Variants in RELN observed in about 807,000 individuals in gnomAD.
RELN encodes the protein reelin.
In RELN, 108 loss-of-function variants were observed where a neutral mutation model predicts 427.6. That is an observed-to-expected ratio of 0.25 (90% CI 0.22 to 0.30). The LOEUF (loss-of-function observed/expected upper bound fraction) is 0.30. Among genes scored for constraint, RELN ranks in the 10% least tolerant of loss-of-function variants. RELN has a pLI of 1.00. For missense variants in RELN, 3,715 were observed against 4,302.8 expected, an observed-to-expected ratio of 0.86 and a Z score of 3.82; for synonymous variants, 1,524 against 1,513.4, an observed-to-expected ratio of 1.01 and a Z score of -0.16.
chr7:103,879,703 A>G (rs1023548642), intron 2 of RELN, among the ~76,000 whole-genome samples: 1 of 152,134 alleles, frequency 6.6e-6, no homozygotes, highest in Non-Finnish European at 1.5e-5. Flanking sequence ...GCAGTTTCTC[A>G]CAGGTGCTGG....
intron 2 of RELN, among the ~76,000 whole-genome samples, chr7:103,864,887 G>A (rs111548916): frequency 4.4e-4 from 67 of 151,874 alleles, no homozygotes; most frequent in African/African-American, 1.6e-3. Flanking sequence ...AAATGAAACG[G>A]TAAGAGACTA....
chr7:103,741,177 C>G (rs1468596804), intron 6 of RELN, among the ~76,000 whole-genome samples: 1 of 152,106 alleles, frequency 6.6e-6, no homozygotes, highest in East Asian at 1.9e-4. Context: ...AACTGCTTAT[C>G]AGTTTCCAAA....
chr7:103,691,683 C>T (rs995040564), intron 10 of RELN, among the ~76,000 whole-genome samples: 6 of 152,068 alleles, frequency 3.9e-5, no homozygotes, highest in Admixed American at 3.9e-4. Context: ...TGTGGTGGCG[C>T]ACACCTGTAG....
At chr7:103,891,868 C>A (rs1348803847) in intron 2 of RELN, among the ~76,000 whole-genome samples, 1 of 152,138 alleles carries the variant, frequency 6.6e-6, no homozygotes, top group Non-Finnish European at 1.5e-5. Context: ...ATATCCAATG[C>A]ACTCTGGACA....
At chr7:103,863,036 G>T (rs1401610727) in intron 2 of RELN, among the ~76,000 whole-genome samples, 2 of 152,024 alleles carry the variant, frequency 1.3e-5, no homozygotes, top group African/African-American at 4.8e-5. Context: ...AACACCAAGA[G>T]GGCAAAAGGA....
chr7:103,596,963 T>G (rs1036865674), intron 24 of RELN, among the ~76,000 whole-genome samples: 4 of 152,154 alleles, frequency 2.6e-5, no homozygotes, highest in Non-Finnish European at 5.9e-5. Context: ...ACGAAAACAC[T>G]CTGAATCCTT....
chr7:103,634,332 C>T (rs1032016267), intron 19 of RELN, among the ~76,000 whole-genome samples: 4 of 152,156 alleles, frequency 2.6e-5, no homozygotes, highest in African/African-American at 9.7e-5. Flanking sequence ...ATCAACTACT[C>T]TGATGGAATT....
intron 18 of RELN, among the ~76,000 whole-genome samples, 160 bp from the exon 19 acceptor site, chr7:103,635,746 A>G (rs1832565830): frequency 6.6e-6 from 1 of 152,160 alleles, no homozygotes; most frequent in African/African-American, 2.4e-5. Context: ...GTAGATATTT[A>G]TGTACATGTT....
At chr7:103,554,199 C>T (rs1830475129) in intron 38 of RELN, among the ~76,000 whole-genome samples, 5 of 144,196 alleles carry the variant, frequency 3.5e-5, no homozygotes, top group Admixed American at 3.5e-4. Flanking sequence ...AAAAGAACCA[C>T]ACAAACCACC....
At chr7:103,961,470 A>G (rs1796552291) in intron 1 of RELN, among the ~76,000 whole-genome samples, 1 of 152,264 alleles carries the variant, frequency 6.6e-6, no homozygotes, top group African/African-American at 2.4e-5. Flanking sequence ...ATACTAAAAA[A>G]GAAGTGAAAT....
intron 15 of RELN, 88 bp from the exon 16 acceptor site, chr7:103,650,471 G>A (rs1832891983): frequency 2.3e-6 from 2 of 867,944 alleles, no homozygotes; most frequent in African/African-American, 1.6e-5. Flanking sequence ...TCTAGCTTCT[G>A]TGTGCTTGGA....
intron 1 of RELN, among the ~76,000 whole-genome samples, chr7:103,933,793 C>A (rs982001502): frequency 6.6e-6 from 1 of 152,174 alleles, no homozygotes; most frequent in African/African-American, 2.4e-5. Flanking sequence ...ACTTTCCAGA[C>A]AACTCAGCTT....
chr7:103,819,574 T>C lies in RELN; in HGVS notation c.473+13963A>G, dbSNP rs114981250. Among the ~76,000 whole-genome samples the C allele has an allele frequency of 4.3e-3, 658 of 152,276 alleles. 5 individuals carry two copies. Among genetic ancestry groups the C allele is most frequent in the African/African-American group, 0.015 (633 of 41,584 alleles). ...AGAAGTCTCTGATTCCCTTTGATCT[T>C]TGGAGAGGTCATCTCCTCATGCTCC... On this transcript the variant is annotated intron_variant, in intron 3 of 64. Transcript: ENST00000428762.
At chr7:103,980,201 A>G (rs1269022182) in intron 1 of RELN, among the ~76,000 whole-genome samples, 2 of 151,814 alleles carry the variant, frequency 1.3e-5, no homozygotes, top group African/African-American at 4.8e-5. Context: ...TATATTATCA[A>G]AATATTAAAA....
At chr7:103,960,112 T>C (rs1439690404) in intron 1 of RELN, among the ~76,000 whole-genome samples, 1 of 152,132 alleles carries the variant, frequency 6.6e-6, no homozygotes, top group Non-Finnish European at 1.5e-5. Flanking sequence ...AAAGAAGAAA[T>C]TAGATTATGT....
chr7:103,754,488 TG>T (rs1292525936), intron 4 of RELN, among the ~76,000 whole-genome samples: 1 of 151,860 alleles, frequency 6.6e-6, no homozygotes, highest in Non-Finnish European at 1.5e-5. Flanking sequence ...AGGTATAAAG[TG>T]AGGCTGAGAG....
At chr7:103,933,932 A>G (rs1795921563) in intron 1 of RELN, among the ~76,000 whole-genome samples, 1 of 152,190 alleles carries the variant, frequency 6.6e-6, no homozygotes, top group East Asian at 1.9e-4. Flanking sequence ...TTCCTTCGCT[A>G]AAACACAGAT....
At chr7:103,865,054 A>T (rs114032398) in intron 2 of RELN, among the ~76,000 whole-genome samples, 3,695 of 150,316 alleles carry the variant, frequency 0.025, 143 homozygotes, top group African/African-American at 0.086. Flanking sequence ...TTGTTTGTTG[A>T]ACCTGGAAGG....
At chr7:103,925,233 A>T (rs1057225585) in intron 1 of RELN, among the ~76,000 whole-genome samples, 4 of 152,174 alleles carry the variant, frequency 2.6e-5, no homozygotes, top group African/African-American at 4.8e-5. Context: ...AATAGTAATG[A>T]TAAAGAATTA....
Sources: allele counts gnomAD v4.1 joint callset (sites outside exome capture counted in the v4.1 genomes callset), GRCh38; gene constraint gnomAD v4.1.1; transcripts MANE v1.5; gene names NCBI Gene and HGNC (gene_info 2026-07-23, HGNC 2026-07-21).